The following SNTG2 variants were observed in gnomAD, a reference collection of about 807,000 sequenced individuals.
SNTG2 encodes the protein gamma-2-syntrophin.
Under a neutral mutation model 70.9 loss-of-function variants are expected in SNTG2, and 74 were observed. The observed-to-expected ratio is 1.04, with a 90% CI of 0.86 to 1.27. The LOEUF is 1.27. Ranked by LOEUF, SNTG2 falls within the 50% of genes most tolerant of loss-of-function variation. SNTG2 has a pLI of 0.00. For missense variants in SNTG2, 717 were observed against 690.7 expected, an observed-to-expected ratio of 1.04 and a Z score of -0.43; for synonymous variants, 278 against 273.8, an observed-to-expected ratio of 1.02 and a Z score of -0.15.
chr2:1,123,835 G>A (rs1287193492), intron 4 of SNTG2, among the ~76,000 whole-genome samples: 1 of 3,690 alleles, frequency 2.7e-4, no homozygotes, highest in Non-Finnish European at 2.2e-3. Context: ...ATTCATTCAG[G>A]TTAATAGAAC....
intron 1 of SNTG2, among the ~76,000 whole-genome samples, chr2:1,036,289 A>T (rs1661122841): frequency 6.6e-6 from 1 of 150,974 alleles, no homozygotes; most frequent in Non-Finnish European, 1.5e-5. Flanking sequence ...ATTTTTCTTT[A>T]TTTTTTTTCA....
chr2:1,040,381 G>A (rs1424918267), intron 1 of SNTG2, among the ~76,000 whole-genome samples: 1 of 152,072 alleles, frequency 6.6e-6, no homozygotes, highest in Non-Finnish European at 1.5e-5. Context: ...TCGGATTCCG[G>A]CTCCCATGGC....
rs79486296 is a variant in SNTG2 at position 1,044,143 on chromosome 2, C to T, written c.73-39375C>T. On this transcript the variant is annotated intron_variant, in intron 1 of 16. Transcript: ENST00000308624. ...TTTCACCACCGCTGCCCCCCCACCC[C>T]GGTTAGCTGTATTCCTAGGTATTTT... Among the ~76,000 whole-genome samples, 1,703 of 152,012 alleles carry T rather than the reference C, an allele frequency of 0.011. 76 individuals are homozygous for T. The East Asian group carries it at 0.15, about 13-fold the overall frequency.
At chr2:1,350,499 C>G (rs1475684701) in intron 16 of SNTG2, among the ~76,000 whole-genome samples, 2 of 152,160 alleles carry the variant, frequency 1.3e-5, no homozygotes, top group East Asian at 3.9e-4. Context: ...GTGCTTCTTG[C>G]AGGAGTTTGG....
intron 14 of SNTG2, among the ~76,000 whole-genome samples, chr2:1,271,743 T>C (rs915096763): frequency 5.3e-5 from 8 of 152,062 alleles, no homozygotes; most frequent in African/African-American, 1.9e-4. Flanking sequence ...CCATAACCCA[T>C]TGAGGATGTC....
chr2:1,001,874 G>A (rs1659406156), intron 1 of SNTG2, among the ~76,000 whole-genome samples: 2 of 151,992 alleles, frequency 1.3e-5, no homozygotes, highest in Non-Finnish European at 1.5e-5. Context: ...ATACTACAAG[G>A]CTATATTAAC....
intron 1 of SNTG2, among the ~76,000 whole-genome samples, chr2:991,215 C>G (rs755676635): frequency 1.2e-4 from 18 of 152,154 alleles, no homozygotes; most frequent in Non-Finnish European, 2.5e-4. Context: ...ATAGCTAGTT[C>G]TCCCTGAAAG....
At chr2:1,086,082 C>T (rs1664666327) in intron 2 of SNTG2, among the ~76,000 whole-genome samples, 2 of 152,198 alleles carry the variant, frequency 1.3e-5, no homozygotes, top group Non-Finnish European at 2.9e-5. Flanking sequence ...GCAATGGGCA[C>T]AGCTCTGCTA....
At chr2:1,010,967 T>G (rs1369092284) in intron 1 of SNTG2, among the ~76,000 whole-genome samples, 1 of 152,168 alleles carries the variant, frequency 6.6e-6, no homozygotes, top group Non-Finnish European at 1.5e-5. Flanking sequence ...GATGCAATGG[T>G]GTGTTTGTGA....
intron 13 of SNTG2, among the ~76,000 whole-genome samples, chr2:1,265,213 G>A (rs1264182516): frequency 6.6e-6 from 1 of 152,234 alleles, no homozygotes; most frequent in East Asian, 1.9e-4. Context: ...CTTGGTTTGT[G>A]ACGTGTAACC....
intron 16 of SNTG2, among the ~76,000 whole-genome samples, chr2:1,322,192 T>C (rs1269610788): frequency 6.6e-6 from 1 of 152,216 alleles, no homozygotes; most frequent in Non-Finnish European, 1.5e-5. Context: ...AGCAAGTGTA[T>C]TATCATTCAG....
intron 9 of SNTG2, among the ~76,000 whole-genome samples, chr2:1,222,217 C>G (rs1215814904): frequency 6.6e-6 from 1 of 152,022 alleles, no homozygotes; most frequent in African/African-American, 2.4e-5. Context: ...CTTTTCTTTT[C>G]ACCTCTGAGG....
At chr2:1,062,639 T>C (rs1325004988) in intron 1 of SNTG2, among the ~76,000 whole-genome samples, 1 of 152,232 alleles carries the variant, frequency 6.6e-6, no homozygotes, top group East Asian at 1.9e-4. Context: ...CAACTCTACC[T>C]TATGACTCTT....
intron 16 of SNTG2, among the ~76,000 whole-genome samples, chr2:1,317,436 G>A (rs1424995685): frequency 9.7e-6 from 1 of 103,210 alleles, no homozygotes; most frequent in Non-Finnish European, 2.1e-5. Flanking sequence ...GGATTCTGGA[G>A]CATGTAGCAT....
intron 12 of SNTG2, among the ~76,000 whole-genome samples, chr2:1,257,895 G>A (rs1334389263): frequency 6.6e-6 from 1 of 152,152 alleles, no homozygotes; most frequent in Admixed American, 6.5e-5. Context: ...TATGCATAAG[G>A]TGTATTTATA....
At chr2:1,050,710 A>G (rs1662008697) in intron 1 of SNTG2, among the ~76,000 whole-genome samples, 1 of 152,208 alleles carries the variant, frequency 6.6e-6, no homozygotes, top group African/African-American at 2.4e-5. Flanking sequence ...TAGGATTATT[A>G]TTAAACAGCT....
intron 9 of SNTG2, among the ~76,000 whole-genome samples, chr2:1,229,749 A>G (rs1676068567): frequency 6.6e-6 from 1 of 152,232 alleles, no homozygotes; most frequent in Admixed American, 6.5e-5. Context: ...GCCCCGCCGG[A>G]AGGCAGCCAA....
chr2:1,211,407 G>A (rs900453263), intron 9 of SNTG2, among the ~76,000 whole-genome samples: 1 of 152,190 alleles, frequency 6.6e-6, no homozygotes, highest in African/African-American at 2.4e-5. Flanking sequence ...TCTAGCTTTG[G>A]TTTAAGGATG....
intron 8 of SNTG2, among the ~76,000 whole-genome samples, chr2:1,174,325 A>G (rs1671331396): frequency 6.6e-6 from 1 of 151,746 alleles, no homozygotes. Flanking sequence ...ATTTCATTTT[A>G]TTGCAAGGCT....
Sources: allele counts gnomAD v4.1 joint callset (sites outside exome capture counted in the v4.1 genomes callset), GRCh38; gene constraint gnomAD v4.1.1; transcripts MANE v1.5; gene names NCBI Gene and HGNC (gene_info 2026-07-23, HGNC 2026-07-21).